The following LTBP1 variants were observed in gnomAD, a reference collection of about 807,000 sequenced individuals.
The protein encoded by LTBP1 is latent transforming growth factor beta binding protein 1, also known as latent-transforming growth factor beta-binding protein 1.
Under a neutral mutation model 207.6 loss-of-function variants are expected in LTBP1, and 129 were observed. The observed-to-expected ratio is 0.62, with a 90% CI of 0.54 to 0.72. LTBP1 has a LOEUF of 0.72. Ranked by LOEUF, LTBP1 falls within the 30% of genes least tolerant of loss-of-function variation. The probability of loss-of-function intolerance (pLI) is 0.00; values close to 1 mark genes in which losing one functional copy is unlikely to be tolerated. For missense variants in LTBP1, 2,281 were observed against 2,217.2 expected (o/e 1.03, Z -0.58); for synonymous variants, 963 against 833.7 (o/e 1.16, Z -2.67).
chr2:33,246,701 G>A lies in LTBP1; in HGVS notation c.1999+2917G>A, dbSNP rs542433333. On this transcript the variant is annotated intron_variant, in intron 10 of 33. Coordinates refer to ENST00000404816, the MANE Select transcript of LTBP1 (RefSeq NM_206943.4). ...CATGGTTATGGCCAAGGAACAACGGGAAGCACTTTCTCTTCTTGAATGCAC... is the reference window on the plus strand; with the variant it reads ...CATGGTTATGGCCAAGGAACAACGGAAAGCACTTTCTCTTCTTGAATGCAC... Among the ~76,000 whole-genome samples, 12 of 152,312 alleles carry A rather than the reference G, an allele frequency of 7.9e-5. 1 individual carries two copies. The East Asian group carries it at 2.1e-3, about 27-fold the overall frequency.
At chr2:33,327,887 C>A (rs1456469475) in intron 24 of LTBP1, among the ~76,000 whole-genome samples, 1 of 151,678 alleles carries the variant, frequency 6.6e-6, no homozygotes, top group African/African-American at 2.4e-5. Context: ...GCCTGTAATC[C>A]CAGCACTTTG....
intron 3 of LTBP1, among the ~76,000 whole-genome samples, chr2:33,086,144 G>T (rs1349782347): frequency 6.6e-6 from 1 of 152,220 alleles, no homozygotes; most frequent in Non-Finnish European, 1.5e-5. Context: ...TACCGCATTA[G>T]CATGGAAGGG....
chr2:33,028,378 C>G (rs1215569524), intron 3 of LTBP1, among the ~76,000 whole-genome samples: 1 of 152,082 alleles, frequency 6.6e-6, no homozygotes, highest in African/African-American at 2.4e-5. Flanking sequence ...CTCTTCAAAA[C>G]CATGTGAGAG....
chr2:33,120,337 T>C (rs2081032820), intron 4 of LTBP1, among the ~76,000 whole-genome samples: 1 of 152,150 alleles, frequency 6.6e-6, no homozygotes, highest in Non-Finnish European at 1.5e-5. Flanking sequence ...CTCCCTCCTT[T>C]TACCCTCCCA....
intron 32 of LTBP1, among the ~76,000 whole-genome samples, chr2:33,395,279 A>G (rs2095348701): frequency 6.6e-6 from 1 of 152,190 alleles, no homozygotes; most frequent in Non-Finnish European, 1.5e-5. Flanking sequence ...AGTTCCTCTG[A>G]TTCAAATCCC....
chr2:33,032,980 G>A (rs530289995), intron 3 of LTBP1, among the ~76,000 whole-genome samples: 12 of 152,240 alleles, frequency 7.9e-5, no homozygotes, highest in African/African-American at 2.4e-4. Flanking sequence ...ATTTGATCAA[G>A]CTCAGCTTTA....
At chr2:32,957,653 G>A (rs1678308219) in intron 2 of LTBP1, among the ~76,000 whole-genome samples, 1 of 152,156 alleles carries the variant, frequency 6.6e-6, no homozygotes, top group African/African-American at 2.4e-5. Context: ...AATATTACGA[G>A]AATTTCCAGA....
intron 2 of LTBP1, among the ~76,000 whole-genome samples, chr2:32,958,481 C>G (rs77861902): frequency 0.029 from 4,440 of 152,248 alleles, 207 homozygotes; most frequent in African/African-American, 0.1. Flanking sequence ...TGATTTCACT[C>G]TTAGTTGGCT....
chr2:33,174,771 A>G (rs1197370111), intron 5 of LTBP1, among the ~76,000 whole-genome samples: 1 of 152,232 alleles, frequency 6.6e-6, no homozygotes, highest in Non-Finnish European at 1.5e-5. Flanking sequence ...ACAAGGCTAC[A>G]GTAACCAAAA....
At chr2:33,182,969 G>T (rs993404550) in intron 5 of LTBP1, among the ~76,000 whole-genome samples, 2 of 151,514 alleles carry the variant, frequency 1.3e-5, no homozygotes, top group African/African-American at 4.9e-5. Context: ...AATTTAAAAT[G>T]TTAGAAACAT....
chr2:33,125,811 CAG>C (rs1015186311), intron 4 of LTBP1, among the ~76,000 whole-genome samples: 3 of 139,150 alleles, frequency 2.2e-5, no homozygotes, highest in Non-Finnish European at 4.6e-5. Context: ...GCCTGGGCAA[CAG>C]AGCAAGACTC....
chr2:33,341,714 CA>C lies in LTBP1; in HGVS notation c.3731-1108del, dbSNP rs1212498794. Among the ~76,000 whole-genome samples, 274 of 113,060 alleles carry C rather than the reference CA, an allele frequency of 2.4e-3. 1 individual carries two copies. Among genetic ancestry groups the C allele is most frequent in the South Asian group, 0.013 (47 of 3,554 alleles). The allele number at this position is 113,060 out of a possible 152,430, so 74.2% of individuals were successfully genotyped here. A position where few individuals can be genotyped will look rare whatever the true frequency, so the allele number is the denominator to read the frequency against. On this transcript the variant is annotated intron_variant, in intron 24 of 33. Transcript: ENST00000404816. ...CGACAGAGTGAGACTCCGTCTCACT[CA>C]AAAAAAAAAAAAAAATATATATATA...
At chr2:33,329,566 A>G (rs1037705082) in intron 24 of LTBP1, among the ~76,000 whole-genome samples, 1 of 152,060 alleles carries the variant, frequency 6.6e-6, no homozygotes, top group Non-Finnish European at 1.5e-5. Context: ...GTTTTTTTGC[A>G]TATGGTGAGA....
intron 18 of LTBP1, 30 bp downstream of exon 18, chr2:33,275,953 T>G: frequency 6.5e-7 from 1 of 1,543,864 alleles, no homozygotes; most frequent in Non-Finnish European, 8.7e-7. Context: ...TCAGCACACA[T>G]GACGGTGATG....
intron 15 of LTBP1, among the ~76,000 whole-genome samples, chr2:33,263,746 G>T (rs2148058258): frequency 6.6e-6 from 1 of 152,096 alleles, no homozygotes; most frequent in South Asian, 2.1e-4. Context: ...AAGGTCAAGA[G>T]ATCGAGACCA....
intron 25 of LTBP1, among the ~76,000 whole-genome samples, chr2:33,345,372 T>C (rs892354700): frequency 2.0e-5 from 3 of 152,264 alleles, no homozygotes; most frequent in Non-Finnish European, 2.9e-5. Context: ...ACCCCACATA[T>C]AGGCCGTACA....
intron 10 of LTBP1, among the ~76,000 whole-genome samples, chr2:33,246,213 G>A (rs2149817250): frequency 6.6e-6 from 1 of 152,328 alleles, no homozygotes; most frequent in African/African-American, 2.4e-5. Flanking sequence ...TGTTGAGTGA[G>A]AAGATTTATT....
At chr2:33,013,269 G>A (rs936790930) in intron 2 of LTBP1, among the ~76,000 whole-genome samples, 2 of 152,004 alleles carry the variant, frequency 1.3e-5, no homozygotes, top group African/African-American at 4.8e-5. Flanking sequence ...AAAATTAGCC[G>A]TGATGTATCT....
intron 3 of LTBP1, among the ~76,000 whole-genome samples, chr2:33,057,142 C>T (rs1266846142): frequency 2.0e-5 from 3 of 149,182 alleles, no homozygotes; most frequent in African/African-American, 7.3e-5. Context: ...GGTGTATTCA[C>T]AATCCCTTAG....
Sources: allele counts gnomAD v4.1 joint callset (sites outside exome capture counted in the v4.1 genomes callset), GRCh38; gene constraint gnomAD v4.1.1; transcripts MANE v1.5; gene names NCBI Gene and HGNC (gene_info 2026-07-23, HGNC 2026-07-21).